Variants in KCNT2 observed in about 807,000 individuals in gnomAD.
The protein encoded by KCNT2 is potassium sodium-activated channel subfamily T member 2.
A neutral mutation model predicts 153.8 loss-of-function variants in KCNT2; 67 were observed. The observed-to-expected ratio is 0.44, with a 90% CI of 0.36 to 0.53. The LOEUF (loss-of-function observed/expected upper bound fraction) is 0.53. KCNT2 is among the 20% of genes least tolerant of loss of function. The probability of loss-of-function intolerance (pLI) is 0.00; values close to 1 mark genes in which losing one functional copy is unlikely to be tolerated. For missense variants in KCNT2, 975 were observed against 1,354.8 expected, an observed-to-expected ratio of 0.72 and a Z score of 4.40; for synonymous variants, 500 against 458.8, an observed-to-expected ratio of 1.09 and a Z score of -1.15.
chr1:196,364,421 T>C (rs767497865), intron 14 of KCNT2, among the ~76,000 whole-genome samples: 1 of 152,158 alleles, frequency 6.6e-6, no homozygotes, highest in Non-Finnish European at 1.5e-5. Context: ...TTGGCAACCA[T>C]ATGAAATTAC....
At position 196,511,116 on chromosome 1, in the gene KCNT2, A is replaced by AACACAC. The variant is rs35177032; in HGVS notation, c.96-18781_96-18776dup. The stretch of plus-strand genomic sequence containing the variant: ...TTATTACACATACGTAAACACACAC[A>AACACAC]ACACACACACACACACACACACACA... On this transcript the variant is annotated intron_variant, in intron 1 of 27. Transcript: ENST00000294725. 5.3e-3 allele frequency among the ~76,000 whole-genome samples: 784 copies of AACACAC among 146,554 alleles called. 6 individuals are homozygous for AACACAC. The highest frequency in any genetic ancestry group is 0.011 in the African/African-American group (450 of 39,312).
chr1:196,329,117 T>A (rs1336731182), intron 18 of KCNT2, among the ~76,000 whole-genome samples: 2 of 152,090 alleles, frequency 1.3e-5, no homozygotes, highest in East Asian at 3.9e-4. Context: ...TTAGTGTTCA[T>A]GAACACTGAC....
At chr1:196,491,298 T>A (rs1324743757) in intron 2 of KCNT2, among the ~76,000 whole-genome samples, 1 of 152,014 alleles carries the variant, frequency 6.6e-6, no homozygotes, top group Non-Finnish European at 1.5e-5. Flanking sequence ...TTGCTAACAG[T>A]CTTAACCTTG....
Position 196,549,403 on chromosome 1 carries a change from CAT to C in KCNT2, c.96-57064_96-57063del, listed in dbSNP as rs1174101798. Among the ~76,000 whole-genome samples the C allele has an allele frequency of 3.3e-3, 508 of 151,992 alleles. 2 individuals carry two copies. Among genetic ancestry groups the C allele is most frequent in the African/African-American group, 0.012 (484 of 41,496 alleles). On this transcript the variant is annotated intron_variant, in intron 1 of 27. Coordinates refer to ENST00000294725, the MANE Select transcript of KCNT2 (RefSeq NM_198503.5). ...GAGAAGAAGCTACAGAGTAAAAACA[CAT>C]ATAATTTTATTATGTGTTATGTATT... is the stretch of plus-strand genomic sequence containing the variant.
chr1:196,507,654 G>A (rs1681257653), intron 1 of KCNT2, among the ~76,000 whole-genome samples: 1 of 152,028 alleles, frequency 6.6e-6, no homozygotes, highest in South Asian at 2.1e-4. Context: ...TTAATGAGGT[G>A]TATAAAATTT....
chr1:196,418,204 G>A (rs7515472), intron 12 of KCNT2, among the ~76,000 whole-genome samples: 73,456 of 151,778 alleles, frequency 0.48, 19,483 homozygotes, highest in Middle Eastern at 0.69. Context: ...GGCTGGGCAC[G>A]GTGGCTCACA....
chr1:196,452,493 C>T (rs896665016), intron 8 of KCNT2, among the ~76,000 whole-genome samples: 1 of 151,968 alleles, frequency 6.6e-6, no homozygotes, highest in Non-Finnish European at 1.5e-5. Context: ...ACTCCCTCAA[C>T]AACCTGTGTA....
chr1:196,404,896 G>T (rs968753037), intron 12 of KCNT2, among the ~76,000 whole-genome samples: 2 of 151,574 alleles, frequency 1.3e-5, no homozygotes, highest in Non-Finnish European at 3.0e-5. Context: ...AATATAAAGA[G>T]AATTAGGCAT....
At chr1:196,472,953 T>G (rs1678223862) in intron 5 of KCNT2, among the ~76,000 whole-genome samples, 1 of 152,134 alleles carries the variant, frequency 6.6e-6, no homozygotes, top group African/African-American at 2.4e-5. Flanking sequence ...ATTCAGATAC[T>G]TACAAAACAA....
chr1:196,496,153 T>C (rs1254685807), intron 1 of KCNT2, among the ~76,000 whole-genome samples: 3 of 152,128 alleles, frequency 2.0e-5, no homozygotes, highest in African/African-American at 7.2e-5. Context: ...ATGTCATCCA[T>C]AGCTTCTTTG....
chr1:196,360,289 CTTGT>C (rs1572165769), intron 14 of KCNT2, among the ~76,000 whole-genome samples: 1 of 150,500 alleles, frequency 6.6e-6, no homozygotes, highest in African/African-American at 2.4e-5. Context: ...TTTTTTTGTT[CTTGT>C]TTGTTTGTTG....
chr1:196,317,122 G>A (rs1180724807), intron 20 of KCNT2: 3 of 254,684 alleles, frequency 1.2e-5, no homozygotes, highest in African/African-American at 4.6e-5. Context: ...TCCTTTTATG[G>A]GAAGGCGGGA....
chr1:196,488,449 A>G (rs896963858), intron 3 of KCNT2, among the ~76,000 whole-genome samples: 2 of 151,664 alleles, frequency 1.3e-5, no homozygotes, highest in African/African-American at 4.9e-5. Flanking sequence ...GTGATATTAC[A>G]TAGAAGTTAA....
At chr1:196,260,384 A>G (rs1193958578) in intron 25 of KCNT2, among the ~76,000 whole-genome samples, 1 of 151,870 alleles carries the variant, frequency 6.6e-6, no homozygotes, top group Non-Finnish European at 1.5e-5. Context: ...AGCCATGTGT[A>G]TCAGGCATCA....
intron 1 of KCNT2, among the ~76,000 whole-genome samples, chr1:196,589,776 A>T (rs1048774594): frequency 1.3e-5 from 2 of 151,962 alleles, no homozygotes; most frequent in African/African-American, 4.8e-5. Context: ...TTGAACCTAC[A>T]GTCTATCATA....
chr1:196,326,249 T>C (rs1558147918), intron 19 of KCNT2, among the ~76,000 whole-genome samples: 1 of 152,134 alleles, frequency 6.6e-6, no homozygotes, highest in African/African-American at 2.4e-5. Flanking sequence ...ATAGAATGTA[T>C]GGTTTAACAG....
intron 8 of KCNT2, among the ~76,000 whole-genome samples, chr1:196,432,268 G>C (rs1347956776): frequency 6.6e-6 from 1 of 152,138 alleles, no homozygotes; most frequent in African/African-American, 2.4e-5. Context: ...ATTCCTTGGA[G>C]AGCCTTGGGG....
chr1:196,535,036 A>G (rs1572749797), intron 1 of KCNT2, among the ~76,000 whole-genome samples: 2 of 152,144 alleles, frequency 1.3e-5, no homozygotes, highest in Admixed American at 1.3e-4. Context: ...TTCCCTTTTC[A>G]TGCATATTAT....
intron 22 of KCNT2, among the ~76,000 whole-genome samples, chr1:196,293,812 T>C (rs1209544554): frequency 8.8e-6 from 1 of 113,648 alleles, no homozygotes; most frequent in African/African-American, 3.3e-5. Context: ...AACAAGAACA[T>C]AAACAAACAA....
Sources: allele counts gnomAD v4.1 joint callset (sites outside exome capture counted in the v4.1 genomes callset), GRCh38; gene constraint gnomAD v4.1.1; transcripts MANE v1.5; gene names NCBI Gene and HGNC (gene_info 2026-07-23, HGNC 2026-07-21).